ARHGEF18: variants seen among roughly 807,000 people sequenced by gnomAD.
The protein encoded by ARHGEF18 is rho guanine nucleotide exchange factor 18.
Under a neutral mutation model 155.7 loss-of-function variants are expected in ARHGEF18, and 93 were observed. The observed-to-expected ratio is 0.60, with a 90% CI of 0.50 to 0.71. The LOEUF is 0.71. Among genes scored for constraint, ARHGEF18 ranks in the 30% least tolerant of loss-of-function variants. ARHGEF18 has a pLI of 0.00. For missense variants in ARHGEF18, 1,593 were observed against 1,816.1 expected, an observed-to-expected ratio of 0.88 and a Z score of 2.23; for synonymous variants, 742 against 753.1, an observed-to-expected ratio of 0.99 and a Z score of 0.24.
chr19:7,374,162 C>T (rs1006727533), intron 3 of ARHGEF18, among the ~76,000 whole-genome samples: 8 of 152,078 alleles, frequency 5.3e-5, no homozygotes, highest in Non-Finnish European at 8.8e-5. Context: ...GATGAAGCTT[C>T]GCTCACATGC....
chr19:7,467,139 CG>C (rs757462249), intron 25 of ARHGEF18, 21 bp downstream of exon 25: 6 of 1,587,402 alleles, frequency 3.8e-6, no homozygotes, highest in Non-Finnish European at 5.2e-6. Flanking sequence ...GGGGTGGGGC[CG>C]GCCACGCGTG....
chr19:7,451,012 G>C, intron 15 of ARHGEF18, 137 bp from the exon 16 acceptor site: 3 of 590,982 alleles, frequency 5.1e-6, no homozygotes, highest in Admixed American at 6.5e-5. Flanking sequence ...CCATTTCCGA[G>C]ATGTTAATAT....
intron 18 of ARHGEF18, among the ~76,000 whole-genome samples, chr19:7,457,355 T>C (rs868658220): frequency 1.9e-4 from 8 of 41,800 alleles, no homozygotes; most frequent in Non-Finnish European, 3.8e-4. Context: ...TCACCTCTCT[T>C]TTTTTTTTTT....
downstream of ARHGEF18, among the ~76,000 whole-genome samples, chr19:7,474,156 T>A (rs950979067): frequency 6.6e-6 from 1 of 151,426 alleles, no homozygotes; most frequent in Non-Finnish European, 1.5e-5. Flanking sequence ...CTGGCCAACA[T>A]GTTGAAACCC....
chr19:7,356,165 C>A lies in ARHGEF18; in HGVS notation c.-110-6616C>A, dbSNP rs1011079361. On this transcript the variant is annotated intron_variant, in intron 1 of 28. Transcript: ENST00000668164. ...ATCGGCTGGTGCTCTCTCTCTCAAC[C>A]CCCAGGGTCCCCAGGCCTCAGGTGA... is the stretch of plus-strand genomic sequence containing the variant. 3.9e-5 allele frequency among the ~76,000 whole-genome samples: 6 copies of A among 152,164 alleles called. No homozygotes were observed. In the East Asian group the frequency reaches 9.7e-4, roughly 24 times the overall value.
At chr19:7,373,485 T>TTTTG (rs775983495) in intron 3 of ARHGEF18, among the ~76,000 whole-genome samples, 2,337 of 123,398 alleles carry the variant, frequency 0.019, 79 homozygotes, top group East Asian at 0.16. Context: ...TTGTTTTTGT[T>TTTTG]TTTTTTTTGA....
chr19:7,448,485 C>T (rs1368498936), intron 15 of ARHGEF18, among the ~76,000 whole-genome samples: 1 of 152,066 alleles, frequency 6.6e-6, no homozygotes, highest in Non-Finnish European at 1.5e-5. Context: ...CATGGTGAAA[C>T]CTGGTCTCTA....
chr19:7,420,819 G>C (rs1162612916), intron 10 of ARHGEF18, among the ~76,000 whole-genome samples: 3 of 152,218 alleles, frequency 2.0e-5, no homozygotes, highest in Non-Finnish European at 2.9e-5. Flanking sequence ...CACCCGTCGT[G>C]GAGAGGAGAC....
intron 1 of ARHGEF18, among the ~76,000 whole-genome samples, chr19:7,350,009 G>GAGCA (rs1325740628): frequency 1.3e-5 from 2 of 152,188 alleles, no homozygotes; most frequent in Non-Finnish European, 2.9e-5. Context: ...ATCATCCAGA[G>GAGCA]AGCACATCCC....
rs79000112 is a variant in ARHGEF18, at chr19:7,418,404, G to A, written c.968-21940G>A. Among the ~76,000 whole-genome samples, 673 of 152,140 alleles carry A rather than the reference G, an allele frequency of 4.4e-3. 9 individuals carry two copies. The highest frequency in any genetic ancestry group is 0.016 in the African/African-American group (656 of 41,500). ...CCCCCAAGTAACTGGGAGCACAGGC[G>A]TGCACCATGCTTGACTAATTTTTTA... On this transcript the variant is annotated intron_variant, in intron 10 of 28. Transcript: ENST00000668164.
At chr19:7,351,931 G>T (rs1347729448) in intron 1 of ARHGEF18, among the ~76,000 whole-genome samples, 1 of 151,962 alleles carries the variant, frequency 6.6e-6, no homozygotes, top group Non-Finnish European at 1.5e-5. Flanking sequence ...CTGACCTCAG[G>T]TGATCCACCT....
At chr19:7,374,769 G>A (rs1271547870) in intron 3 of ARHGEF18, among the ~76,000 whole-genome samples, 1 of 152,104 alleles carries the variant, frequency 6.6e-6, no homozygotes, top group East Asian at 1.9e-4. Context: ...GTACGGCCAC[G>A]ATCAGCACCC....
chr19:7,391,338 C>A (rs1274163610), intron 10 of ARHGEF18, among the ~76,000 whole-genome samples: 1 of 152,174 alleles, frequency 6.6e-6, no homozygotes, highest in Non-Finnish European at 1.5e-5. Context: ...GAGTCATACT[C>A]CAGGTAATTA....
intron 17 of ARHGEF18, 122 bp downstream of exon 17, chr19:7,453,837 G>C: frequency 7.7e-7 from 1 of 1,292,288 alleles, no homozygotes; most frequent in Admixed American, 2.8e-5. Flanking sequence ...TACCATCTTG[G>C]AGAGGTGGTC....
In ARHGEF18 at chr19:7,458,752, G is replaced by T. The variant is rs549974911; in HGVS notation, c.2360+62G>T. 2.0e-6 allele frequency: 3 copies of T among 1,521,878 alleles called. No homozygotes were observed. The Admixed American group carries it at 6.1e-5, about 31-fold the overall frequency. 94.3% of individuals were successfully genotyped at this position (1,521,878 alleles called of 1,614,324 possible). ...TCCTTCCGCTGATTGGTCCACCCTT[G>T]GCTTCGACCGTTGGCCATCAGCTGT... On this transcript the variant is annotated intron_variant, in intron 19 of 28. Coordinates refer to ENST00000668164, the MANE Select transcript of ARHGEF18 (RefSeq NM_001367823.1).
In ARHGEF18 at chr19:7,464,649, G is replaced by A. The variant is rs1257741455; in HGVS notation, c.2863G>A (p.Asp955Asn). 2 of 1,613,962 alleles carry A rather than the reference G, an allele frequency of 1.2e-6. No individual in the cohort carries two copies. Among genetic ancestry groups the A allele is most frequent in the Non-Finnish European group, 1.7e-6 (2 of 1,180,012 alleles). Reference protein sequence around the residue: ...PPNSPDLKLSDSDIPGSSEES... With the variant: ...PPNSPDLKLSNSDIPGSSEES... ...AAACAGCCCGGACTTGAAGCTCAGT[G>A]ACAGTGACATTCCTGGGAGCTCTGA... The change falls in exon 23 of 29, where the codon GAC becomes AAC. Residue 955 changes from aspartate to asparagine, a missense_variant. Asp to Asn is a conservative substitution (Grantham distance 23, BLOSUM62 1). Transcript: ENST00000668164.
chr19:7,452,805 G>C (rs994061413), intron 16 of ARHGEF18, among the ~76,000 whole-genome samples: 2 of 151,680 alleles, frequency 1.3e-5, no homozygotes, highest in African/African-American at 2.4e-5. Flanking sequence ...AGGAAAGTTC[G>C]TTTACCAAGC....
At chr19:7,474,517 T>C (rs1268339211), downstream of ARHGEF18, among the ~76,000 whole-genome samples, 1 of 151,978 alleles carries the variant, frequency 6.6e-6, no homozygotes, top group Non-Finnish European at 1.5e-5. Flanking sequence ...TAGCTGGGAT[T>C]ACAGGCACCC....
rs1267940785 is a variant in ARHGEF18 at position 7,464,670 on chromosome 19, T to A, written c.2884T>A (p.Ser962Thr). 1 of 1,613,802 alleles carries A rather than the reference T, an allele frequency of 6.2e-7. No homozygotes were observed. Among genetic ancestry groups the A allele is most frequent in the East Asian group, 2.2e-5 (1 of 44,872 alleles). The change falls in exon 23 of 29, where the codon TCT becomes ACT. Residue 962 changes from serine to threonine, a missense_variant. Transcript: ENST00000668164. ...CAGTGACAGTGACATTCCTGGGAGC[T>A]CTGAGGAATCGCCGCAGGTGGTACG... The part of the protein sequence containing the change: ...KLSDSDIPGS[S>T]EESPQVVEAP...
Sources: gnomAD v4.1 joint callset for allele counts (sites outside exome capture counted in the v4.1 genomes callset) on GRCh38, gnomAD v4.1.1 for gene constraint, MANE v1.5 for transcripts, NCBI Gene and HGNC (gene_info 2026-07-23, HGNC 2026-07-21) for gene names.